Variants in PELP1 observed in about 807,000 individuals in gnomAD.
The protein encoded by PELP1 is proline-, glutamic acid- and leucine-rich protein 1.
PELP1 carries 32 observed loss-of-function variants against 95.5 expected under a neutral mutation model. The observed-to-expected ratio is 0.34, with a 90% confidence interval of 0.25 to 0.45. The LOEUF is 0.45. Ranked by LOEUF, PELP1 falls within the 20% of genes least tolerant of loss-of-function variation. The pLI, the probability that PELP1 is intolerant of heterozygous loss-of-function variation, is 1.00. For synonymous variants in PELP1, 668 were observed against 600.1 expected, an observed-to-expected ratio of 1.11 and a Z score of -1.65; for missense variants, 1,358 against 1,444.8, an observed-to-expected ratio of 0.94 and a Z score of 0.97.
At chr17:4,685,544 C>G (rs1167320111) in intron 3 of PELP1, among the ~76,000 whole-genome samples, 6 of 152,114 alleles carry the variant, frequency 3.9e-5, no homozygotes, top group African/African-American at 1.4e-4. Context: ...AATCCCAACA[C>G]TTTGGGAGGC....
chr17:4,683,376 A>C lies in PELP1; in HGVS notation c.421-424T>G, dbSNP rs528211445. On this transcript the variant is annotated intron_variant, in intron 3 of 16. Coordinates refer to ENST00000572293, the MANE Select transcript of PELP1 (RefSeq NM_014389.3). ...GCTGAGACTACAAGCGCCCGCCACC[A>C]CGCCTGACTAATTTTTTGTATTTTT... Among the ~76,000 whole-genome samples, 215 of 151,448 alleles carry C rather than the reference A, an allele frequency of 1.4e-3. 1 individual carries two copies. The highest frequency in any genetic ancestry group is 4.9e-3 in the African/African-American group (203 of 41,310).
chr17:4,674,173 G>A (rs1038987081), intron 13 of PELP1, among the ~76,000 whole-genome samples: 2 of 152,234 alleles, frequency 1.3e-5, no homozygotes, highest in African/African-American at 4.8e-5. Context: ...CGTGCTGAAC[G>A]CCGGAGGAAG....
chr17:4,673,494 A>G lies in PELP1; in HGVS notation c.1639-38T>C. 5.7e-6 allele frequency: 9 copies of G among 1,569,366 alleles called. No individual in the cohort carries two copies. Among genetic ancestry groups the G allele is most frequent in the Non-Finnish European group, 7.0e-6 (8 of 1,148,048 alleles). ...GAGCACACCTGGAAACATCCCCAAG[A>G]CCACCCAACCCTTCTCCAGAGCCTA... On this transcript the variant is annotated intron_variant, in intron 14 of 16. Coordinates refer to ENST00000572293, the MANE Select transcript of PELP1 (RefSeq NM_014389.3). The surrounding 1 kb of genome is among the most constrained non-coding windows in gnomAD (Gnocchi z 5.7).
rs537506211 is a variant in PELP1 at position 4,696,751 on chromosome 17, C to G, written c.250-5309G>C. 84 of 152,068 alleles carry G rather than the reference C, an allele frequency of 5.5e-4. 1 individual carries two copies. The highest frequency in any genetic ancestry group is 2.0e-3 in the African/African-American group (83 of 41,468). The allele number at this position is 152,068 out of a possible 1,614,324, so 9.4% of individuals were successfully genotyped here. A position where few individuals can be genotyped will look rare whatever the true frequency, so the allele number is the denominator to read the frequency against. On this transcript the variant is annotated intron_variant, in intron 1 of 16. Coordinates refer to ENST00000572293, the MANE Select transcript of PELP1 (RefSeq NM_014389.3). ...TGTGGCGATACAAAGCAGTCAAAAT[C>G]AGGAAGTACTGTGAAGGTAGAGCCA...
chr17:4,689,882 T>C (rs1047104726), intron 3 of PELP1, among the ~76,000 whole-genome samples: 2 of 151,958 alleles, frequency 1.3e-5, no homozygotes, highest in Admixed American at 6.6e-5. Flanking sequence ...AAAAATTAGC[T>C]AGGAATGGTG....
chr17:4,676,737 C>T lies in PELP1; in HGVS notation c.702+16G>A. ...CTCAGATCCCCGGGCTCTCCCTCTC[C>T]CTCCCTGCCCTTTACCTGTTGGAGC... On this transcript the variant is annotated intron_variant, in intron 6 of 16. Transcript: ENST00000572293. 1.9e-6 allele frequency: 3 copies of T among 1,560,830 alleles called. No homozygotes were observed. The highest frequency in any genetic ancestry group is 2.6e-6 in the Non-Finnish European group (3 of 1,151,096).
chr17:4,671,492 CGAT>C lies in PELP1; in HGVS notation c.3337_3339del (p.Ile1113del). 6.2e-7 allele frequency: 1 copy of C among 1,612,728 alleles called. No homozygotes were observed. The highest frequency in any genetic ancestry group is 1.1e-5 in the South Asian group (1 of 91,054). ...GGCTTCTCATCATCAGGGGGACAAT[CGAT>C]GAAGTCGGCCAGCATGGCAGCTGTG... On this transcript the variant is annotated inframe_deletion, in exon 17 of 17. Transcript: ENST00000572293.
chr17:4,672,677 C>T lies in PELP1; in HGVS notation c.2314G>A (p.Glu772Lys). 1 of 1,613,556 alleles carries T rather than the reference C, an allele frequency of 6.2e-7. No homozygotes were observed. Among genetic ancestry groups the T allele is most frequent in the Non-Finnish European group, 8.5e-7 (1 of 1,179,740 alleles). ...AAGGAGATCTCCACATCAGATGCCT[C>T]CTCCTTGTCATAGTGGACAAAGGCT... ...RPAFVHYDKEEASDVEISLES... is the reference protein window; with the variant it reads ...RPAFVHYDKEKASDVEISLES... Residue 772 changes from glutamate to lysine, a missense_variant, in exon 16 of 17, where the codon GAG becomes AAG. Glu to Lys is a moderately conservative substitution (Grantham distance 56, BLOSUM62 1). This residue lies in a region of PELP1 where 340 missense variants were observed against 322.9 expected (regional missense o/e 1.05). Transcript: ENST00000572293.
chr17:4,702,828 T>C (rs763803028), intron 1 of PELP1, among the ~76,000 whole-genome samples: 2 of 152,040 alleles, frequency 1.3e-5, no homozygotes, highest in South Asian at 2.1e-4. Context: ...GAAGGGAAGA[T>C]AGGAGATTGT....
chr17:4,691,128 T>C (rs1025355060), intron 2 of PELP1, 135 bp from the exon 3 acceptor site: 11 of 696,680 alleles, frequency 1.6e-5, no homozygotes, highest in Non-Finnish European at 2.7e-5. Flanking sequence ...CCTGAAATAC[T>C]TGGAATGAGG....
At chr17:4,702,957 G>A (rs1045983156) in intron 1 of PELP1, among the ~76,000 whole-genome samples, 2 of 152,116 alleles carry the variant, frequency 1.3e-5, no homozygotes, top group African/African-American at 4.8e-5. Context: ...GAAAAGAGTG[G>A]ACAGATCTGA....
At position 4,704,121 on chromosome 17, in the gene PELP1, G is replaced by C. The variant is rs1485094272; in HGVS notation, c.-10C>G. 6 of 1,602,532 alleles carry C rather than the reference G, an allele frequency of 3.7e-6. No homozygotes were observed. The highest frequency in any genetic ancestry group is 1.3e-5 in the African/African-American group (1 of 74,908). On this transcript the variant is annotated 5_prime_UTR_variant, in exon 1 of 17. Coordinates refer to ENST00000572293, the MANE Select transcript of PELP1 (RefSeq NM_014389.3). Reference sequence around the variant, plus strand: ...GAACGGCTGCCGCCATCTTCCCCCGGGTTCCAGTGGTGGCGTGGCGCGATG... The same window carrying C: ...GAACGGCTGCCGCCATCTTCCCCCGCGTTCCAGTGGTGGCGTGGCGCGATG...
rs1237497776 is a variant in PELP1 at position 4,703,971 on chromosome 17, A to C, written c.141T>G (p.Pro47=). 15 of 1,613,600 alleles carry C rather than the reference A, an allele frequency of 9.3e-6. No homozygotes were observed. Among genetic ancestry groups the C allele is most frequent in the Non-Finnish European group, 1.3e-5 (15 of 1,179,742 alleles). The change falls in exon 1 of 17, where the codon CCT becomes CCG. Residue 47 remains proline, a synonymous_variant. Coordinates refer to ENST00000572293, the MANE Select transcript of PELP1 (RefSeq NM_014389.3). ...CCGGAGCAACGGCAGACCCCGTTCG[A>C]GGTTGCAGCAAACCAGAAACACTCT... ...LLESVSGLLQ[P]RTGSAVAPVH... is the part of the protein sequence containing the mutation.
At position 4,671,980 on chromosome 17, in the gene PELP1, C is replaced by T. The variant is rs752234517; in HGVS notation, c.3011G>A (p.Gly1004Glu). Residue 1004 changes from glycine (G) to glutamate (E), a missense_variant, in exon 16 of 17, where the codon GGG (glycine) becomes GAG (glutamate). Gly to Glu is a moderately conservative substitution (Grantham distance 98, BLOSUM62 -2). Transcript: ENST00000572293. ...KVQPEPEPEPGLLLEVEEPGT... is the reference protein window; with the variant it reads ...KVQPEPEPEPELLLEVEEPGT... ...TGGCTCCTCCACTTCCAAAAGCAGC[C>T]CGGGTTCAGGTTCGGGTTCTGGCTG... The T allele has an allele frequency of 3.9e-6, 6 of 1,544,346 alleles. No individual in the cohort carries two copies. Among genetic ancestry groups the T allele is most frequent in the Non-Finnish European group, 5.2e-6 (6 of 1,149,950 alleles).
At chr17:4,691,612 G>A in intron 1 of PELP1, 170 bp from the exon 2 acceptor site, 1 of 608,138 alleles carries the variant, frequency 1.6e-6, no homozygotes, top group Non-Finnish European at 2.9e-6. Flanking sequence ...CTTTTTTCCT[G>A]TGGGAAAGGC....
chr17:4,689,895 G>A (rs905889398), intron 3 of PELP1, among the ~76,000 whole-genome samples: 5 of 152,080 alleles, frequency 3.3e-5, no homozygotes, highest in Non-Finnish European at 1.5e-5. Context: ...GAATGGTGGC[G>A]CACGCTTGTA....
intron 3 of PELP1, among the ~76,000 whole-genome samples, chr17:4,684,690 T>G (rs1250888562): frequency 3.3e-5 from 5 of 152,156 alleles, no homozygotes; most frequent in Non-Finnish European, 7.4e-5. Flanking sequence ...AATCTTGTCT[T>G]TTTTATTTTA....
rs1857177732 is a variant in PELP1, at chr17:4,670,854, CA to C, written c.*584del. Reference sequence around the variant, plus strand: ...GAACTGTCATTAGGAGGACTAGCCCCAAAACAGAGGTCATTCCCAACGTACC... The same window carrying C: ...GAACTGTCATTAGGAGGACTAGCCCCAAACAGAGGTCATTCCCAACGTACC... On this transcript the variant is annotated 3_prime_UTR_variant, in exon 17 of 17. Coordinates refer to ENST00000572293, the MANE Select transcript of PELP1 (RefSeq NM_014389.3). The C allele has an allele frequency of 6.5e-6, 1 of 153,294 alleles. No individual in the cohort carries two copies. Among genetic ancestry groups the C allele is most frequent in the African/African-American group, 2.4e-5 (1 of 41,452 alleles). The allele number at this position is 153,294 out of a possible 1,614,324, so 9.5% of individuals were successfully genotyped here.
Position 4,670,811 on chromosome 17 carries a change from G to T in PELP1, c.*628C>A, listed in dbSNP as rs1912166224. ...CCTGGGGTGAGCTTATCAAACTCCT[G>T]CCAGGGAGCTGTGAGGGGAACTGTC... is the stretch of plus-strand genomic sequence containing the variant. On this transcript the variant is annotated 3_prime_UTR_variant, in exon 17 of 17. Transcript: ENST00000572293. 1 of 152,600 alleles carries T rather than the reference G, an allele frequency of 6.6e-6. No homozygotes were observed. The allele number at this position is 152,600 out of a possible 1,614,324, so 9.5% of individuals were successfully genotyped here.
Sources: gnomAD v4.1 joint callset for allele counts (sites outside exome capture counted in the v4.1 genomes callset) on GRCh38, gnomAD v4.1.1 for gene constraint, gnomAD v4.1.1 regional missense constraint, Gnocchi (gnomAD v3.1) non-coding constraint, MANE v1.5 for transcripts, NCBI Gene and HGNC (gene_info 2026-07-23, HGNC 2026-07-21) for gene names.